PLPP3: variants seen among roughly 807,000 people sequenced by gnomAD.
PLPP3 encodes PAP2 beta.
In PLPP3, 6 loss-of-function variants were observed where a neutral mutation model predicts 29.6. That is an observed-to-expected ratio of 0.20 (90% confidence interval 0.11 to 0.40). PLPP3 has a LOEUF of 0.40. PLPP3 is among the 10% of genes least tolerant of loss of function. The pLI, the probability that PLPP3 is intolerant of heterozygous loss-of-function variation, is 1.00. For missense variants in PLPP3, 308 were observed against 407.7 expected, an observed-to-expected ratio of 0.76 and a Z score of 2.11; for synonymous variants, 152 against 159.7, an observed-to-expected ratio of 0.95 and a Z score of 0.36.
chr1:56,559,928 A>T lies in PLPP3; in HGVS notation c.139+18950T>A, dbSNP rs943500540. On this transcript the variant is annotated intron_variant, in intron 1 of 5. Coordinates refer to ENST00000371250, the MANE Select transcript of PLPP3 (RefSeq NM_003713.5). ...GTACTGGGCAGAGCTGAGGCAAAGA[A>T]ACCATTCTGCTAAAGGGAATTCTTC... Among the ~76,000 whole-genome samples, 2 of 152,162 alleles carry T rather than the reference A, an allele frequency of 1.3e-5. 1 individual carries two copies.
Position 56,524,570 on chromosome 1 carries a change from C to A in PLPP3, c.298-16G>T. ...CCGTGATGATCTAAAAGGAATCCAA[C>A]AGGGGAATTAGGCAGTATCAAGATT... is the stretch of plus-strand genomic sequence containing the variant. On this transcript the variant is annotated splice_polypyrimidine_tract_variant and intron_variant, in intron 2 of 5. Transcript: ENST00000371250. This position sits in a 1 kb window ranked among gnomAD's most constrained non-coding sequence, Gnocchi z 4.3. 1 of 1,600,862 alleles carries A rather than the reference C, an allele frequency of 6.2e-7. No individual in the cohort carries two copies. Among genetic ancestry groups the A allele is most frequent in the Non-Finnish European group, 8.6e-7 (1 of 1,168,944 alleles).
intron 1 of PLPP3, among the ~76,000 whole-genome samples, chr1:56,571,072 T>C (rs1646194535): frequency 6.6e-6 from 1 of 152,194 alleles, no homozygotes; most frequent in Non-Finnish European, 1.5e-5. Flanking sequence ...GGAACTCTCC[T>C]CATGAATAAT....
chr1:56,503,719 G>A (rs1328721227), intron 5 of PLPP3, among the ~76,000 whole-genome samples: 1 of 152,162 alleles, frequency 6.6e-6, no homozygotes. Flanking sequence ...TGTGGTTCCT[G>A]TAAGGCTTAC....
intron 5 of PLPP3, among the ~76,000 whole-genome samples, chr1:56,498,150 T>C (rs113012483): frequency 7.9e-5 from 12 of 152,350 alleles, no homozygotes; most frequent in African/African-American, 2.2e-4. Context: ...GCTATTGATG[T>C]ACCACTTTGC....
intron 5 of PLPP3, among the ~76,000 whole-genome samples, chr1:56,497,923 G>A (rs1373869863): frequency 6.6e-6 from 1 of 152,146 alleles, no homozygotes; most frequent in Admixed American, 6.5e-5. Flanking sequence ...AGGGAACTGG[G>A]TGGCTAGAAG....
intron 1 of PLPP3, among the ~76,000 whole-genome samples, chr1:56,539,662 GA>G (rs933225578): frequency 6.6e-6 from 1 of 152,194 alleles, no homozygotes; most frequent in African/African-American, 2.4e-5. Context: ...CAATGGAGGA[GA>G]GGGGGGCAGG....
chr1:56,542,530 G>T (rs958696228), intron 1 of PLPP3, among the ~76,000 whole-genome samples: 6 of 152,112 alleles, frequency 3.9e-5, no homozygotes, highest in Non-Finnish European at 8.8e-5. Context: ...GGTCCTTCAT[G>T]TCCTTTTCCA....
chr1:56,499,071 C>T (rs1015368657), intron 5 of PLPP3, among the ~76,000 whole-genome samples: 7 of 60,360 alleles, frequency 1.2e-4, no homozygotes, highest in South Asian at 7.0e-4. Flanking sequence ...ACAGCTCCCC[C>T]GTCCCCCCCC....
chr1:56,525,896 G>A (rs1645849772), intron 2 of PLPP3, among the ~76,000 whole-genome samples: 1 of 152,112 alleles, frequency 6.6e-6, no homozygotes, highest in African/African-American at 2.4e-5. Flanking sequence ...TCTGATCAAG[G>A]TCCTCAAGGG....
At chr1:56,560,930 AG>A (rs1646121576) in intron 1 of PLPP3, among the ~76,000 whole-genome samples, 1 of 137,318 alleles carries the variant, frequency 7.3e-6, no homozygotes, top group African/African-American at 2.8e-5. Flanking sequence ...CTCCGCCTCC[AG>A]GGTTCACACC....
At chr1:56,534,095 T>A (rs1645908287) in intron 2 of PLPP3, among the ~76,000 whole-genome samples, 1 of 152,178 alleles carries the variant, frequency 6.6e-6, no homozygotes, top group South Asian at 2.1e-4. Flanking sequence ...TTTCTGCCCA[T>A]TTTAAATCTT....
intron 1 of PLPP3, among the ~76,000 whole-genome samples, chr1:56,557,146 G>A (rs1176868368): frequency 1.3e-5 from 2 of 151,442 alleles, no homozygotes; most frequent in African/African-American, 2.4e-5. Context: ...TTGGGAGGCC[G>A]AGGCGGGTGG....
chr1:56,578,548 C>T (rs2100319260), intron 1 of PLPP3, among the ~76,000 whole-genome samples: 1 of 152,348 alleles, frequency 6.6e-6, no homozygotes, highest in African/African-American at 2.4e-5. Flanking sequence ...CAACCAACTT[C>T]CCCTACGCTA....
intron 1 of PLPP3, among the ~76,000 whole-genome samples, chr1:56,566,642 G>A (rs987158634): frequency 1.3e-5 from 2 of 152,160 alleles, no homozygotes; most frequent in African/African-American, 4.8e-5. Flanking sequence ...AACCAGGTTT[G>A]AAACATTTCC....
intron 4 of PLPP3, among the ~76,000 whole-genome samples, chr1:56,514,485 A>G (rs1645767926): frequency 3.3e-5 from 5 of 152,330 alleles, no homozygotes; most frequent in African/African-American, 1.2e-4. Flanking sequence ...AAGGGCTTTC[A>G]GTGTCAAACT....
rs573783878 is a variant in PLPP3, at chr1:56,547,688, C to G, written c.140-10576G>C. Among the ~76,000 whole-genome samples, 137 of 152,242 alleles carry G rather than the reference C, an allele frequency of 9.0e-4. 1 individual carries two copies. The highest frequency in any genetic ancestry group is 1.5e-3 in the Non-Finnish European group (105 of 68,018). On this transcript the variant is annotated intron_variant, in intron 1 of 5. Coordinates refer to ENST00000371250, the MANE Select transcript of PLPP3 (RefSeq NM_003713.5). ...CTGCTCAGTGATTCAGCTGCCATGCCCCACCCTGCCCAGCTGCCCAAGGGC... is the reference window on the plus strand; with the variant it reads ...CTGCTCAGTGATTCAGCTGCCATGCGCCACCCTGCCCAGCTGCCCAAGGGC...
At chr1:56,517,498 C>T (rs1645789405) in intron 4 of PLPP3, among the ~76,000 whole-genome samples, 2 of 152,214 alleles carry the variant, frequency 1.3e-5, no homozygotes, top group South Asian at 2.1e-4. Context: ...ATTACATTAC[C>T]TGCAATTGTC....
At chr1:56,527,154 T>C (rs1645857922) in intron 2 of PLPP3, among the ~76,000 whole-genome samples, 2 of 152,328 alleles carry the variant, frequency 1.3e-5, no homozygotes, top group Non-Finnish European at 2.9e-5. Context: ...TAATGTCCCA[T>C]CTCTAAAACT....
At chr1:56,516,243 T>C (rs1427453982) in intron 4 of PLPP3, among the ~76,000 whole-genome samples, 1 of 152,108 alleles carries the variant, frequency 6.6e-6, no homozygotes, top group Non-Finnish European at 1.5e-5. Context: ...TTTGCCAGTG[T>C]AGAACCCAGT....
Sources: gnomAD v4.1 joint callset for allele counts (sites outside exome capture counted in the v4.1 genomes callset) on GRCh38, gnomAD v4.1.1 for gene constraint, Gnocchi (gnomAD v3.1) non-coding constraint, MANE v1.5 for transcripts, NCBI Gene and HGNC (gene_info 2026-07-23, HGNC 2026-07-21) for gene names.